Variants in COBL observed in about 807,000 individuals in gnomAD.
COBL encodes cordon-bleu WH2 repeat protein.
Under a neutral mutation model 98.8 loss-of-function variants are expected in COBL, and 51 were observed. That is an observed-to-expected ratio of 0.52 (90% confidence interval 0.41 to 0.65). COBL has a LOEUF of 0.65. Among genes scored for constraint, COBL ranks in the 30% least tolerant of loss-of-function variants. The pLI is 0.00. For synonymous variants in COBL, 634 were observed against 651.7 expected (o/e 0.97, Z 0.41); for missense variants, 1,617 against 1,617.5 (o/e 1.00, Z 0.01).
At chr7:51,079,482 G>A (rs764114733) in intron 7 of COBL, among the ~76,000 whole-genome samples, 4 of 152,182 alleles carry the variant, frequency 2.6e-5, no homozygotes, top group Non-Finnish European at 5.9e-5. Context: ...TCTGAAGGAC[G>A]GATATAAATA....
At chr7:51,189,206 C>A (rs1789846247) in intron 4 of COBL, among the ~76,000 whole-genome samples, 1 of 152,048 alleles carries the variant, frequency 6.6e-6, no homozygotes, top group African/African-American at 2.4e-5. Context: ...CTCAACTGAG[C>A]CAAAACCCTC....
At chr7:51,271,062 G>C (rs146301583) in intron 1 of COBL, among the ~76,000 whole-genome samples, 1 of 152,252 alleles carries the variant, frequency 6.6e-6, no homozygotes, top group African/African-American at 2.4e-5. Context: ...CTACTCCCAG[G>C]AATGCTTGGG....
chr7:51,236,193 G>C (rs1795243006), intron 1 of COBL, among the ~76,000 whole-genome samples: 1 of 152,152 alleles, frequency 6.6e-6, no homozygotes, highest in African/African-American at 2.4e-5. Context: ...GAGGCCCAGA[G>C]CCCTTACAAG....
intron 2 of COBL, among the ~76,000 whole-genome samples, chr7:51,207,306 C>T (rs185850229): frequency 9.3e-5 from 14 of 151,094 alleles, no homozygotes; most frequent in African/African-American, 2.7e-4. Context: ...ATTTAACAAG[C>T]GATTACAGAT....
chr7:51,035,634 TATA>T (rs1476330557), intron 8 of COBL: 6 of 152,336 alleles, frequency 3.9e-5, no homozygotes, highest in East Asian at 3.9e-4. Context: ...AAAATATTTT[TATA>T]ATAACATTGA....
At chr7:51,057,351 C>CAT (rs1391330727) in intron 7 of COBL, among the ~76,000 whole-genome samples, 1 of 145,686 alleles carries the variant, frequency 6.9e-6, no homozygotes, top group Non-Finnish European at 1.5e-5. Context: ...CACACACACA[C>CAT]ATATATTCAG....
chr7:51,021,854 A>G (rs1052291655), intron 12 of COBL, among the ~76,000 whole-genome samples: 5 of 152,114 alleles, frequency 3.3e-5, no homozygotes, highest in African/African-American at 1.2e-4. Context: ...CCACAGGTCT[A>G]CTCTCAACAC....
At chr7:51,081,146 G>A (rs961072071) in intron 7 of COBL, among the ~76,000 whole-genome samples, 2 of 152,170 alleles carry the variant, frequency 1.3e-5, no homozygotes, top group Non-Finnish European at 2.9e-5. Context: ...AGGGCAAGGC[G>A]CTTGCCTGGT....
At chr7:51,062,522 C>A (rs930879373) in intron 7 of COBL, among the ~76,000 whole-genome samples, 1 of 152,174 alleles carries the variant, frequency 6.6e-6, no homozygotes, top group Non-Finnish European at 1.5e-5. Context: ...TCTGAAGTGG[C>A]CAACAAGTGG....
chr7:51,078,452 A>C (rs1330271186), intron 7 of COBL, among the ~76,000 whole-genome samples: 1 of 152,180 alleles, frequency 6.6e-6, no homozygotes. Context: ...CTTGGGCTTC[A>C]GATTCAACTA....
At chr7:51,281,622 G>A (rs1256086990) in intron 1 of COBL, among the ~76,000 whole-genome samples, 2 of 147,344 alleles carry the variant, frequency 1.4e-5, no homozygotes, top group Admixed American at 6.9e-5. Context: ...GAATGAAGTC[G>A]AAACAACTTT....
intron 1 of COBL, among the ~76,000 whole-genome samples, chr7:51,245,277 AG>A: frequency 6.6e-6 from 1 of 152,172 alleles, no homozygotes; most frequent in Admixed American, 6.5e-5. Flanking sequence ...TTGCCATCAA[AG>A]TCCAACAAAA....
chr7:51,049,153 T>G (rs897834019), intron 7 of COBL, among the ~76,000 whole-genome samples: 11 of 152,232 alleles, frequency 7.2e-5, no homozygotes. Context: ...TCAATTTGGT[T>G]GGAAAGAAAA....
chr7:51,051,277 T>C (rs748884389), intron 7 of COBL, among the ~76,000 whole-genome samples: 4 of 152,220 alleles, frequency 2.6e-5, no homozygotes, highest in Non-Finnish European at 4.4e-5. Context: ...CTATATATAA[T>C]CCCTCTCTAG....
chr7:51,269,876 G>A (rs141855136), intron 1 of COBL, among the ~76,000 whole-genome samples: 3 of 152,290 alleles, frequency 2.0e-5, no homozygotes, highest in Non-Finnish European at 2.9e-5. Context: ...GACGTGGCAG[G>A]AGAAAGCACC....
At chr7:51,178,324 GA>G (rs1040579999) in intron 5 of COBL, among the ~76,000 whole-genome samples, 2 of 151,874 alleles carry the variant, frequency 1.3e-5, no homozygotes, top group African/African-American at 4.8e-5. Flanking sequence ...TAGGAAGTTA[GA>G]AAAAAATGAA....
intron 10 of COBL, among the ~76,000 whole-genome samples, chr7:51,027,202 T>C (rs1327127516): frequency 1.3e-5 from 2 of 152,224 alleles, no homozygotes; most frequent in African/African-American, 2.4e-5. Flanking sequence ...ATTATTAGCA[T>C]TGGTGTAGCA....
intron 6 of COBL, among the ~76,000 whole-genome samples, chr7:51,090,218 C>T (rs1439419434): frequency 1.3e-5 from 2 of 152,252 alleles, no homozygotes; most frequent in South Asian, 2.1e-4. Context: ...AAGGAAGCCC[C>T]GCACCTCAGT....
intron 1 of COBL, among the ~76,000 whole-genome samples, chr7:51,315,685 A>AC (rs1803494118): frequency 6.6e-6 from 1 of 151,958 alleles, no homozygotes; most frequent in Non-Finnish European, 1.5e-5. Flanking sequence ...ACTGCGCGCT[A>AC]CCCCGCGGCC....
Sources: gnomAD v4.1 joint callset for allele counts (sites outside exome capture counted in the v4.1 genomes callset) on GRCh38, gnomAD v4.1.1 for gene constraint, MANE v1.5 for transcripts, NCBI Gene and HGNC (gene_info 2026-07-23, HGNC 2026-07-21) for gene names.